Variants in CDH11 observed in about 807,000 individuals in gnomAD.
CDH11 encodes cadherin 11, also known as cadherin-11.
CDH11 carries 11 observed loss-of-function variants against 67.8 expected under a neutral mutation model. The ratio of observed to expected loss-of-function variants is 0.16; its 90% CI spans 0.10 to 0.27. The LOEUF (loss-of-function observed/expected upper bound fraction) is 0.27. Among genes scored for constraint, CDH11 ranks in the 10% least tolerant of loss-of-function variants. The pLI is 1.00. For missense variants in CDH11, 847 were observed against 1,031.2 expected, an observed-to-expected ratio of 0.82 and a Z score of 2.45; for synonymous variants, 419 against 400.0, an observed-to-expected ratio of 1.05 and a Z score of -0.57.
chr16:64,983,297 A>C (rs2072403642), intron 7 of CDH11: 1 of 152,194 alleles, frequency 6.6e-6, no homozygotes, highest in African/African-American at 2.4e-5. Flanking sequence ...AACACTGCCT[A>C]ATTTTGAATG....
intron 7 of CDH11, chr16:64,983,367 A>T (rs1281021767): frequency 6.6e-6 from 1 of 152,182 alleles, no homozygotes; most frequent in Non-Finnish European, 1.5e-5. Context: ...GCAGAGAAAC[A>T]AGCCCGGCTG....
Position 64,972,939 on chromosome 16 carries a change from G to C in CDH11, c.1355C>G (p.Ala452Gly), listed in dbSNP as rs879244499. ...TGCAAAGACAGTGATGTTGAGCCAG[G>C]CTGTTTCCTCTCTATCCAGAGGTTT... ...TTKPLDREETAWLNITVFAAE... is the reference protein window; with the variant it reads ...TTKPLDREETGWLNITVFAAE... Residue 452 changes from alanine (A) to glycine (G), a missense_variant, in exon 9 of 13, where the codon GCC (alanine) becomes GGC (glycine). Coordinates refer to ENST00000268603, the MANE Select transcript of CDH11 (RefSeq NM_001797.4). 36 of 1,613,672 alleles carry C rather than the reference G, an allele frequency of 2.2e-5. No individual in the cohort carries two copies. The highest frequency in any genetic ancestry group is 2.9e-5 in the Non-Finnish European group (34 of 1,179,804).
intron 6 of CDH11, among the ~76,000 whole-genome samples, chr16:64,990,077 G>A (rs1351942239): frequency 6.6e-6 from 1 of 152,146 alleles, no homozygotes; most frequent in Non-Finnish European, 1.5e-5. Context: ...GTCCTATGTG[G>A]ATTTTGTCCA....
chr16:64,976,857 A>ACCAC (rs1381342669), intron 8 of CDH11, among the ~76,000 whole-genome samples: 1 of 80,694 alleles, frequency 1.2e-5, no homozygotes, highest in Non-Finnish European at 3.6e-5. Flanking sequence ...CCAAAAACCA[A>ACCAC]CCAACCAACC....
At chr16:65,062,153 C>T (rs2074243830) in intron 1 of CDH11, among the ~76,000 whole-genome samples, 1 of 152,148 alleles carries the variant, frequency 6.6e-6, no homozygotes, top group African/African-American at 2.4e-5. Context: ...ACCAGGCTAC[C>T]TAACTATCCA....
intron 1 of CDH11, among the ~76,000 whole-genome samples, chr16:65,067,724 GA>G (rs1555525051): frequency 8.2e-6 from 1 of 121,718 alleles, no homozygotes; most frequent in Non-Finnish European, 1.6e-5. Flanking sequence ...AGGGAGAAGA[GA>G]AGAAGAAGGG....
chr16:65,070,350 G>A lies in CDH11; in HGVS notation c.-297-16422C>T, dbSNP rs566123973. On this transcript the variant is annotated intron_variant, in intron 1 of 12. Transcript: ENST00000268603. ...AGTGAAGGAAGGAATGCAGGGAGCT[G>A]GTGACTATAATCTCCATGGGGCAAG... 2.6e-5 allele frequency among the ~76,000 whole-genome samples: 4 copies of A among 152,208 alleles called. No individual in the cohort carries two copies. The East Asian group carries it at 7.7e-4, about 29-fold the overall frequency.
intron 4 of CDH11, among the ~76,000 whole-genome samples, chr16:64,995,897 C>T (rs533739536): frequency 4.6e-5 from 7 of 151,948 alleles, no homozygotes; most frequent in Admixed American, 1.3e-4. Flanking sequence ...AACAATTCAA[C>T]AAGTAAAAAA....
chr16:65,029,374 A>G (rs969929941), intron 2 of CDH11, among the ~76,000 whole-genome samples: 2 of 152,214 alleles, frequency 1.3e-5, no homozygotes, highest in African/African-American at 4.8e-5. Flanking sequence ...TGTCGAACAT[A>G]TTTTAAGAAG....
At position 64,953,300 on chromosome 16, in the gene CDH11, A is replaced by G. The variant is rs572677332; in HGVS notation, c.1643-2282T>C. Among the ~76,000 whole-genome samples the G allele has an allele frequency of 1.2e-4, 10 of 84,514 alleles. No homozygotes were observed. In the East Asian group the frequency reaches 3.1e-3, roughly 26 times the overall value. 55.4% of individuals were successfully genotyped at this position (84,514 alleles called of 152,430 possible). ...TATATATGTATGTATATACACACAC[A>G]TATATATATATATGGCAGATTCAGT... On this transcript the variant is annotated intron_variant, in intron 11 of 12. Coordinates refer to ENST00000268603, the MANE Select transcript of CDH11 (RefSeq NM_001797.4).
intron 1 of CDH11, among the ~76,000 whole-genome samples, chr16:65,102,066 T>C (rs889167711): frequency 5.3e-5 from 8 of 152,186 alleles, no homozygotes; most frequent in Admixed American, 2.6e-4. Flanking sequence ...TCAGGTTGCA[T>C]AGTAGAATTA....
intron 1 of CDH11, among the ~76,000 whole-genome samples, chr16:65,079,604 A>G (rs572853525): frequency 9.9e-5 from 15 of 152,208 alleles, no homozygotes; most frequent in Non-Finnish European, 1.6e-4. Context: ...TGGCCTGAGA[A>G]TGAAAAGCTT....
chr16:64,945,007 G>C lies in CDH11; in HGVS notation c.*2596C>G, dbSNP rs552179158. 1.4e-5 allele frequency: 3 copies of C among 209,486 alleles called. No individual in the cohort carries two copies. Among genetic ancestry groups the C allele is most frequent in the Non-Finnish European group, 2.9e-5 (3 of 103,168 alleles). The allele number at this position is 209,486 out of a possible 1,614,324, so 13.0% of individuals were successfully genotyped here. A position where few individuals can be genotyped will look rare whatever the true frequency, so the allele number is the denominator to read the frequency against. On this transcript the variant is annotated 3_prime_UTR_variant, in exon 13 of 13. Coordinates refer to ENST00000268603, the MANE Select transcript of CDH11 (RefSeq NM_001797.4). ...TCTGAATCCTCCAGTAAGTGGAACAGGGTTTATAAAATAAGATTTTGATGA... is the reference window on the plus strand; with the variant it reads ...TCTGAATCCTCCAGTAAGTGGAACACGGTTTATAAAATAAGATTTTGATGA...
chr16:65,018,037 T>A (rs1292407279), intron 2 of CDH11, among the ~76,000 whole-genome samples: 1 of 152,242 alleles, frequency 6.6e-6, no homozygotes, highest in Non-Finnish European at 1.5e-5. Context: ...GGCCCATTTT[T>A]AAAATTGGCT....
chr16:64,998,732 C>T lies in CDH11; in HGVS notation c.353G>A (p.Arg118Gln). The change falls in exon 4 of 13, where the codon CGA becomes CAA. Residue 118 changes from arginine (R) to glutamine (Q), a missense_variant. Arg to Gln is a conservative substitution (Grantham distance 43). Transcript: ENST00000268603. ...GNIHATKTLDREERAQYTLMA... is the reference protein window; with the variant it reads ...GNIHATKTLDQEERAQYTLMA... ...CAACGTGTACTGGGCTCTCTCTTCTCGATCCAACGTCTTGGTGGCATGAAT... is the reference window on the plus strand; with the variant it reads ...CAACGTGTACTGGGCTCTCTCTTCTTGATCCAACGTCTTGGTGGCATGAAT... 6.2e-7 allele frequency: 1 copy of T among 1,614,130 alleles called. No individual in the cohort carries two copies. Among genetic ancestry groups the T allele is most frequent in the Non-Finnish European group, 8.5e-7 (1 of 1,180,016 alleles).
chr16:65,003,825 G>A (rs544736753), intron 3 of CDH11, among the ~76,000 whole-genome samples: 14 of 152,114 alleles, frequency 9.2e-5, no homozygotes, highest in Non-Finnish European at 1.8e-4. Flanking sequence ...CTTCAAAGCT[G>A]GGTCTAGCAT....
At chr16:65,065,090 C>G (rs1163798056) in intron 1 of CDH11, among the ~76,000 whole-genome samples, 1 of 152,156 alleles carries the variant, frequency 6.6e-6, no homozygotes, top group African/African-American at 2.4e-5. Context: ...GAAATGATCA[C>G]AGTTCTCTTC....
intron 2 of CDH11, among the ~76,000 whole-genome samples, chr16:65,011,149 TTATC>T (rs1481415977): frequency 2.7e-5 from 4 of 149,840 alleles, no homozygotes; most frequent in Non-Finnish European, 4.4e-5. Context: ...CACTCAGACT[TTATC>T]TAGGAGGAAA....
At chr16:65,027,515 A>C (rs939861374) in intron 2 of CDH11, among the ~76,000 whole-genome samples, 2 of 152,254 alleles carry the variant, frequency 1.3e-5, no homozygotes, top group Non-Finnish European at 2.9e-5. Context: ...ATTACTTTGT[A>C]AAGGAAAGTC....
Sources: gnomAD v4.1 joint callset for allele counts (sites outside exome capture counted in the v4.1 genomes callset) on GRCh38, gnomAD v4.1.1 for gene constraint, MANE v1.5 for transcripts, NCBI Gene and HGNC (gene_info 2026-07-23, HGNC 2026-07-21) for gene names.